The following RCAN2 variants were observed in gnomAD, a reference collection of about 807,000 sequenced individuals.
RCAN2 encodes regulator of calcineurin 2.
RCAN2 carries 9 observed loss-of-function variants against 23.6 expected under a neutral mutation model. That is an observed-to-expected ratio of 0.38 (90% CI 0.23 to 0.67). The LOEUF is 0.67. Ranked by LOEUF, RCAN2 falls within the 30% of genes least tolerant of loss-of-function variation. The pLI is 0.51. For missense variants in RCAN2, 273 were observed against 302.3 expected, an observed-to-expected ratio of 0.90 and a Z score of 0.72; for synonymous variants, 109 against 115.7, an observed-to-expected ratio of 0.94 and a Z score of 0.37.
chr6:46,268,544 A>G (rs752760827), intron 2 of RCAN2, among the ~76,000 whole-genome samples: 1 of 152,170 alleles, frequency 6.6e-6, no homozygotes, highest in Non-Finnish European at 1.5e-5. Flanking sequence ...TTGTGTGAGA[A>G]AACATCTTTG....
intron 2 of RCAN2, among the ~76,000 whole-genome samples, chr6:46,310,329 A>T (rs563608869): frequency 1.3e-5 from 2 of 152,154 alleles, no homozygotes; most frequent in Non-Finnish European, 2.9e-5. Context: ...GTGCTCATTC[A>T]GAATTAAAGA....
intron 2 of RCAN2, among the ~76,000 whole-genome samples, chr6:46,271,939 G>A (rs748793579): frequency 4.3e-4 from 66 of 152,162 alleles, no homozygotes; most frequent in Non-Finnish European, 7.1e-4. Flanking sequence ...AGTAGGTGAC[G>A]AGACTCTGTG....
intron 2 of RCAN2, among the ~76,000 whole-genome samples, chr6:46,344,906 TA>T (rs1242785771): frequency 7.9e-5 from 12 of 152,066 alleles, no homozygotes; most frequent in African/African-American, 4.8e-5. Flanking sequence ...ACATTTTAAT[TA>T]AAATGTGGAA....
intron 2 of RCAN2, among the ~76,000 whole-genome samples, chr6:46,284,813 T>A (rs1291643664): frequency 6.6e-6 from 1 of 151,534 alleles, no homozygotes; most frequent in Non-Finnish European, 1.5e-5. Flanking sequence ...TCCTGTAGTT[T>A]ATTTTGGGAA....
intron 2 of RCAN2, among the ~76,000 whole-genome samples, chr6:46,334,085 G>T (rs956031656): frequency 4.6e-5 from 7 of 152,114 alleles, no homozygotes; most frequent in African/African-American, 1.7e-4. Flanking sequence ...TTGTGGCAGG[G>T]TTCATCTTTC....
chr6:46,346,132 C>A (rs921044274), intron 2 of RCAN2, among the ~76,000 whole-genome samples: 2 of 151,986 alleles, frequency 1.3e-5, no homozygotes, highest in African/African-American at 2.4e-5. Flanking sequence ...CTCTGAATAA[C>A]CCTTTGGTCA....
chr6:46,426,669 G>C (rs192733452), intron 2 of RCAN2, among the ~76,000 whole-genome samples: 1 of 152,146 alleles, frequency 6.6e-6, no homozygotes, highest in Non-Finnish European at 1.5e-5. Context: ...ATACAAGAAG[G>C]GGAAATAAAA....
chr6:46,277,208 T>C (rs1003096830), intron 2 of RCAN2, among the ~76,000 whole-genome samples: 3 of 152,256 alleles, frequency 2.0e-5, no homozygotes, highest in Non-Finnish European at 2.9e-5. Flanking sequence ...TGTACATCCA[T>C]CTCTGTTCTA....
chr6:46,401,088 C>T (rs951687586), intron 2 of RCAN2, among the ~76,000 whole-genome samples: 2 of 152,182 alleles, frequency 1.3e-5, no homozygotes, highest in African/African-American at 2.4e-5. Flanking sequence ...AGTACAGCCA[C>T]GTTCCCAGGA....
chr6:46,470,090 T>C (rs1332584586), intron 1 of RCAN2, among the ~76,000 whole-genome samples: 1 of 152,210 alleles, frequency 6.6e-6, no homozygotes, highest in Non-Finnish European at 1.5e-5. Flanking sequence ...ATTTTAAAAA[T>C]TGTCTCAGAT....
chr6:46,251,443 T>C (rs974146202), intron 2 of RCAN2, among the ~76,000 whole-genome samples: 2 of 152,172 alleles, frequency 1.3e-5, no homozygotes, highest in African/African-American at 4.8e-5. Context: ...ATATAGAGTA[T>C]AATATTTTTT....
chr6:46,378,673 A>G (rs954493199), intron 2 of RCAN2, among the ~76,000 whole-genome samples: 1 of 152,226 alleles, frequency 6.6e-6, no homozygotes, highest in South Asian at 2.1e-4. Flanking sequence ...GGTTAGTCAC[A>G]TGGAGCAGGC....
At chr6:46,403,930 G>T (rs1461054059) in intron 2 of RCAN2, among the ~76,000 whole-genome samples, 1 of 152,086 alleles carries the variant, frequency 6.6e-6, no homozygotes, top group Admixed American at 6.6e-5. Context: ...TGTGTAAGAG[G>T]TGATTTGGAG....
intron 4 of RCAN2, among the ~76,000 whole-genome samples, chr6:46,230,763 C>T (rs147843371): frequency 0.013 from 1,921 of 152,254 alleles, 43 homozygotes; most frequent in African/African-American, 0.044. Context: ...GTGGGCTGCA[C>T]CCACTGTCCA....
chr6:46,277,589 CT>C lies in RCAN2; in HGVS notation c.226-28694del, dbSNP rs5875956. Among the ~76,000 whole-genome samples, 860 of 148,722 alleles carry C rather than the reference CT, an allele frequency of 5.8e-3. 9 individuals carry two copies. Among genetic ancestry groups the C allele is most frequent in the African/African-American group, 0.013 (511 of 40,646 alleles). The stretch of plus-strand genomic sequence containing the variant: ...CATTCATTGACTTCACTTTTTAAAA[CT>C]TTTTTTTTTTATAGAAAGTAGGTTT... On this transcript the variant is annotated intron_variant, in intron 2 of 4. Transcript: ENST00000371374.
Position 46,414,196 on chromosome 6 carries a change from C to A in RCAN2, c.225+42556G>T, listed in dbSNP as rs1002910801. On this transcript the variant is annotated intron_variant, in intron 2 of 4. Transcript: ENST00000371374. ...ATTCTAAATATATTTAATAAGTGCC[C>A]ATTTTGCATAGACTCTTATGCAGAT... Among the ~76,000 whole-genome samples, 3 of 152,106 alleles carry A rather than the reference C, an allele frequency of 2.0e-5. No individual in the cohort carries two copies. The East Asian group carries it at 5.8e-4, about 29-fold the overall frequency.
chr6:46,271,046 T>C (rs1036121046), intron 2 of RCAN2, among the ~76,000 whole-genome samples: 2 of 152,220 alleles, frequency 1.3e-5, no homozygotes, highest in African/African-American at 4.8e-5. Flanking sequence ...AATACACGTG[T>C]TGTTTTAATC....
chr6:46,276,980 A>G (rs1023809798), intron 2 of RCAN2, among the ~76,000 whole-genome samples: 4 of 152,262 alleles, frequency 2.6e-5, no homozygotes, highest in Non-Finnish European at 5.9e-5. Context: ...AGCAGATACC[A>G]TCAGTACTAT....
intron 2 of RCAN2, among the ~76,000 whole-genome samples, chr6:46,430,937 C>T (rs192766507): frequency 3.1e-4 from 47 of 152,246 alleles, no homozygotes; most frequent in Middle Eastern, 3.4e-3. Flanking sequence ...TAGAGAACCC[C>T]AGATGCCATC....
Sources: allele counts gnomAD v4.1 joint callset (sites outside exome capture counted in the v4.1 genomes callset), GRCh38; gene constraint gnomAD v4.1.1; transcripts MANE v1.5; gene names NCBI Gene and HGNC (gene_info 2026-07-23, HGNC 2026-07-21).